The following C17orf78 variants were observed in gnomAD, a reference collection of about 807,000 sequenced individuals.
The protein encoded by C17orf78 is uncharacterized protein C17orf78.
Under a neutral mutation model 31.8 loss-of-function variants are expected in C17orf78, and 27 were observed. The ratio of observed to expected loss-of-function variants is 0.85; its 90% CI spans 0.63 to 1.17. The LOEUF (loss-of-function observed/expected upper bound fraction) is 1.17. Among genes scored for constraint, C17orf78 ranks in the 50% most tolerant of loss-of-function variants. C17orf78 has a pLI of 0.00. For synonymous variants in C17orf78, 106 were observed against 115.1 expected, an observed-to-expected ratio of 0.92 and a Z score of 0.51; for missense variants, 258 against 315.2, an observed-to-expected ratio of 0.82 and a Z score of 1.37.
intron 3 of C17orf78, among the ~76,000 whole-genome samples, chr17:37,383,081 T>G (rs529433667): frequency 3.7e-4 from 56 of 152,150 alleles, no homozygotes; most frequent in Middle Eastern, 3.2e-3. Flanking sequence ...TTTTGAACTT[T>G]GAATATTAAT....
Position 37,391,949 on chromosome 17 carries a change from A to G in C17orf78, c.*225A>G. ...TCACTTCATACATCCATCTAAATGG[A>G]TACCTTTCCATCCCCTCAAACGAGA... On this transcript the variant is annotated 3_prime_UTR_variant, in exon 7 of 7. Transcript: ENST00000615133. 1.8e-6 allele frequency: 1 copy of G among 550,492 alleles called. No homozygotes were observed. Among genetic ancestry groups the G allele is most frequent in the Non-Finnish European group, 3.2e-6 (1 of 309,686 alleles). 34.1% of individuals were successfully genotyped at this position (550,492 alleles called of 1,614,324 possible).
chr17:37,388,597 C>T lies in C17orf78; in HGVS notation c.509-73C>T, dbSNP rs1040054663. ...ATAGTCTTGTGAGCCAGAAGAACTT[C>T]AGGTCAAAGGATCAATCTCTTTCCT... On this transcript the variant is annotated intron_variant, in intron 4 of 6. Coordinates refer to ENST00000615133, the MANE Select transcript of C17orf78 (RefSeq NM_173625.5). 1.4e-5 allele frequency: 21 copies of T among 1,507,218 alleles called. No homozygotes were observed. In the South Asian group the frequency reaches 2.5e-4, roughly 18 times the overall value. 93.4% of individuals were successfully genotyped at this position (1,507,218 alleles called of 1,614,324 possible). A position where few individuals can be genotyped will look rare whatever the true frequency, so the allele number is the denominator to read the frequency against.
chr17:37,390,298 ACATAAT>A (rs1348717366), intron 6 of C17orf78, among the ~76,000 whole-genome samples: 1 of 44,634 alleles, frequency 2.2e-5, no homozygotes, highest in South Asian at 7.2e-4. Context: ...TATATATTAT[ACATAAT>A]TATATATATA....
Sources: allele counts gnomAD v4.1 joint callset (sites outside exome capture counted in the v4.1 genomes callset), GRCh38; gene constraint gnomAD v4.1.1; transcripts MANE v1.5; gene names NCBI Gene and HGNC (gene_info 2026-07-23, HGNC 2026-07-21).